Variants in FADS2 observed in about 807,000 individuals in gnomAD.
FADS2 encodes the protein fatty acid desaturase 2, also known as acyl-CoA 6-desaturase.
FADS2 carries 18 observed loss-of-function variants against 61.2 expected under a neutral mutation model. That is an observed-to-expected ratio of 0.29 (90% CI 0.20 to 0.44). The LOEUF is 0.44. Among genes scored for constraint, FADS2 ranks in the 20% least tolerant of loss-of-function variants. The probability of loss-of-function intolerance (pLI) is 1.00; values close to 1 mark genes in which losing one functional copy is unlikely to be tolerated. For synonymous variants in FADS2, 203 were observed against 223.9 expected, an observed-to-expected ratio of 0.91 and a Z score of 0.83; for missense variants, 322 against 572.7, an observed-to-expected ratio of 0.56 and a Z score of 4.47.
intron 7 of FADS2, among the ~76,000 whole-genome samples, chr11:61,859,708 C>T (rs1030492412): frequency 2.1e-4 from 32 of 152,020 alleles, no homozygotes; most frequent in African/African-American, 7.3e-4. Flanking sequence ...GGCCTATTGC[C>T]GGGCGCAGTC....
intron 5 of FADS2, among the ~76,000 whole-genome samples, chr11:61,851,232 A>G (rs1405303461): frequency 6.6e-6 from 1 of 152,178 alleles, no homozygotes; most frequent in Non-Finnish European, 1.5e-5. Flanking sequence ...GTCCTGACAG[A>G]TGTTCTCTGT....
At chr11:61,853,535 G>A (rs578117798) in intron 5 of FADS2, among the ~76,000 whole-genome samples, 2 of 151,998 alleles carry the variant, frequency 1.3e-5, no homozygotes, top group South Asian at 2.1e-4. Context: ...CCATTATCCC[G>A]GTAGCAGTGT....
chr11:61,864,016 A>G (rs943934431), intron 10 of FADS2: 2 of 517,970 alleles, frequency 3.9e-6, no homozygotes, highest in Non-Finnish European at 7.0e-6. Context: ...CCACTTGGTC[A>G]TAGTGGTTAC....
chr11:61,864,539 G>C (rs528902619), intron 10 of FADS2, among the ~76,000 whole-genome samples: 1 of 152,108 alleles, frequency 6.6e-6, no homozygotes, highest in Non-Finnish European at 1.5e-5. Flanking sequence ...GATTACAGGC[G>C]TGTGCCACCA....
intron 1 of FADS2, among the ~76,000 whole-genome samples, chr11:61,818,696 T>A (rs1384697360): frequency 6.6e-6 from 1 of 152,188 alleles, no homozygotes; most frequent in Non-Finnish European, 1.5e-5. Context: ...TAGTATGGGT[T>A]CGCTGATTAC....
Position 61,828,561 on chromosome 11 carries a change from G to A in FADS2, c.171G>A (p.Gln57=), listed in dbSNP as rs763852762. 1.9e-6 allele frequency: 3 copies of A among 1,614,024 alleles called. No homozygotes were observed. The highest frequency in any genetic ancestry group is 2.5e-6 in the Non-Finnish European group (3 of 1,179,998). ...TKWSIQHPGG[Q]RVIGHYAGED... ...GGTCCATCCAGCACCCGGGGGGCCA[G>A]CGGGTCATCGGGCACTACGCTGGAG... The change falls in exon 1 of 12, where the codon CAG becomes CAA. Residue 57 remains glutamine (Q), a synonymous_variant. Transcript: ENST00000278840. This position sits in a 1 kb window ranked among gnomAD's most constrained non-coding sequence, Gnocchi z 6.4.
rs763918162 is a variant in FADS2 at position 61,857,085 on chromosome 11, G to A, written c.805+14G>A. The stretch of plus-strand genomic sequence containing the variant: ...ACTTCTTCCTGAGTGAGTGCTCGGC[G>A]CCCCGAAATCACTCTGGGACCCTCC... On this transcript the variant is annotated intron_variant, in intron 6 of 11. Coordinates refer to ENST00000278840, the MANE Select transcript of FADS2 (RefSeq NM_004265.4). 66 of 1,611,952 alleles carry A rather than the reference G, an allele frequency of 4.1e-5. No individual in the cohort carries two copies. The Middle Eastern group carries it at 6.6e-4, about 16-fold the overall frequency.
chr11:61,838,136 C>A (rs117750625), intron 2 of FADS2, among the ~76,000 whole-genome samples: 1,612 of 152,288 alleles, frequency 0.011, 15 homozygotes, highest in Non-Finnish European at 0.015. Flanking sequence ...CTCCTCCATC[C>A]CTTTCCAGGA....
chr11:61,816,983 G>T lies in FADS2; in HGVS notation c.141+557G>T. The T allele has an allele frequency of 7.4e-7, 1 of 1,347,032 alleles. No individual in the cohort carries two copies. The allele number at this position is 1,347,032 out of a possible 1,614,324, so 83.4% of individuals were successfully genotyped here. A position where few individuals can be genotyped will look rare whatever the true frequency, so the allele number is the denominator to read the frequency against. On this transcript the variant is annotated intron_variant, in intron 1 of 11. Transcript: ENST00000257261. The surrounding 1 kb of genome is among the most constrained non-coding windows in gnomAD (Gnocchi z 7.0). ...GATCCCGTCCCCCGGTGGGTCTTGG[G>T]CAACTCACAGCTGGGCTGCCAACAC... is the stretch of plus-strand genomic sequence containing the variant.
chr11:61,816,825 G>C lies in FADS2; in HGVS notation c.141+399G>C, dbSNP rs1455482386. 4.0e-5 allele frequency: 60 copies of C among 1,488,800 alleles called. No individual in the cohort carries two copies. The highest frequency in any genetic ancestry group is 5.1e-5 in the Non-Finnish European group (58 of 1,129,630). The allele number at this position is 1,488,800 out of a possible 1,614,324, so 92.2% of individuals were successfully genotyped here. On this transcript the variant is annotated intron_variant, in intron 1 of 11. Transcript: ENST00000257261. This position sits in a 1 kb window ranked among gnomAD's most constrained non-coding sequence, Gnocchi z 7.0. ...TCAGGCGCGTGCTCGGGGTCCGCGG[G>C]CTCCAGGAGTGGATTTGCTGGCGCG...
Position 61,863,369 on chromosome 11 carries a change from C to A in FADS2, c.1068C>A (p.Phe356Leu). Reference protein sequence around the residue: ...EIDQEAYRDWFSSQLTATCNV... With the variant: ...EIDQEAYRDWLSSQLTATCNV... ...ACCAGGAGGCCTACCGTGACTGGTT[C>A]AGTAGCCAGGTAGGGAAGTCAGGGC... Residue 356 changes from phenylalanine (F) to leucine (L), a missense_variant, in exon 9 of 12, where the codon TTC becomes TTA. Physicochemically the swap from Phe to Leu is conservative, Grantham distance 22 (BLOSUM62 0). This residue lies in a region of FADS2 where 221 missense variants were observed against 427.9 expected (regional missense o/e 0.52). Transcript: ENST00000278840. 1 of 1,611,962 alleles carries A rather than the reference C, an allele frequency of 6.2e-7. No homozygotes were observed. The highest frequency in any genetic ancestry group is 1.1e-5 in the South Asian group (1 of 91,044).
chr11:61,824,147 C>T (rs2067051288), upstream of FADS2, among the ~76,000 whole-genome samples: 1 of 151,486 alleles, frequency 6.6e-6, no homozygotes, highest in South Asian at 2.1e-4. Flanking sequence ...TTTGGGAGGC[C>T]GAGGTGGGCA....
intron 1 of FADS2, chr11:61,821,280 GA>G: frequency 3.2e-6 from 2 of 631,220 alleles, no homozygotes; most frequent in African/African-American, 3.7e-5. Context: ...AGTGCTTTGG[GA>G]GGCTGAGGTG....
In FADS2 at chr11:61,865,350, G is replaced by A; in HGVS notation, c.1283+73G>A. 3 of 1,548,084 alleles carry A rather than the reference G, an allele frequency of 1.9e-6. No homozygotes were observed. Among genetic ancestry groups the A allele is most frequent in the Non-Finnish European group, 1.8e-6 (2 of 1,138,688 alleles). On this transcript the variant is annotated intron_variant, in intron 11 of 11. Coordinates refer to ENST00000278840, the MANE Select transcript of FADS2 (RefSeq NM_004265.4). The surrounding 1 kb of genome is among the most constrained non-coding windows in gnomAD (Gnocchi z 4.1). ...TGCAGACAGTGGGATCACAAGAGGG[G>A]CTGGGCCCTCCTGGCACAGTCACCC...
chr11:61,863,001 C>T lies in FADS2; in HGVS notation c.912C>T (p.Ile304=), dbSNP rs1337360750. 3 of 1,614,232 alleles carry T rather than the reference C, an allele frequency of 1.9e-6. No homozygotes were observed. The highest frequency in any genetic ancestry group is 3.3e-5 in the Admixed American group (2 of 60,026). Residue 304 remains isoleucine (I), a synonymous_variant, in exon 8 of 12, where the codon ATC becomes ATT. Transcript: ENST00000278840. ...TGGCCTGGGCCGTCAGCTACTACAT[C>T]CGGTTCTTCATCACCTACATCCCTT... ...VDLAWAVSYY[I]RFFITYIPFY... is the part of the protein sequence containing the mutation.
chr11:61,836,407 T>C (rs143346142), intron 1 of FADS2, among the ~76,000 whole-genome samples: 62 of 148,906 alleles, frequency 4.2e-4, no homozygotes, highest in African/African-American at 1.5e-3. Flanking sequence ...CTGTTTGTTT[T>C]TTGAGACAGG....
intron 2 of FADS2, among the ~76,000 whole-genome samples, chr11:61,838,251 A>G (rs1051781246): frequency 2.0e-5 from 3 of 152,092 alleles, no homozygotes; most frequent in Non-Finnish European, 4.4e-5. Flanking sequence ...CACCTCTTTG[A>G]GAAAGAATGA....
chr11:61,856,696 A>T, intron 5 of FADS2: 1 of 358,634 alleles, frequency 2.8e-6, no homozygotes, highest in Non-Finnish European at 5.0e-6. Context: ...AGTCAGGGCC[A>T]CTTCCTGTGG....
intron 1 of FADS2, among the ~76,000 whole-genome samples, chr11:61,834,030 C>A (rs912147494): frequency 3.9e-5 from 6 of 152,226 alleles, no homozygotes; most frequent in Admixed American, 6.5e-5. Flanking sequence ...TGATGACGAA[C>A]CTTGATGACT....
Sources: allele counts gnomAD v4.1 joint callset (sites outside exome capture counted in the v4.1 genomes callset), GRCh38; gene constraint gnomAD v4.1.1; regional missense constraint gnomAD v4.1.1; non-coding constraint Gnocchi (gnomAD v3.1); transcripts MANE v1.5; gene names NCBI Gene and HGNC (gene_info 2026-07-23, HGNC 2026-07-21).